The following ADCY10 variants were observed in gnomAD, a reference collection of about 807,000 sequenced individuals.
The protein encoded by ADCY10 is adenylate cyclase 10.
In ADCY10, 156 loss-of-function variants were observed where a neutral mutation model predicts 183.3. That is an observed-to-expected ratio of 0.85 (90% CI 0.75 to 0.97). The LOEUF is 0.97. Among genes scored for constraint, ADCY10 ranks in the 50% least tolerant of loss-of-function variants. ADCY10 has a pLI of 0.00. For missense variants in ADCY10, 1,745 were observed against 1,934.3 expected, an observed-to-expected ratio of 0.90 and a Z score of 1.84; for synonymous variants, 645 against 670.0, an observed-to-expected ratio of 0.96 and a Z score of 0.58.
At chr1:167,846,379 C>T (rs191509150) in intron 19 of ADCY10, 116 bp from the exon 20 acceptor site, 1 of 1,260,330 alleles carries the variant, frequency 7.9e-7, no homozygotes, top group African/African-American at 1.5e-5. Context: ...TTGCAAGAAA[C>T]TCAGCCAAGC....
chr1:167,862,725 T>C (rs771027062), intron 14 of ADCY10, among the ~76,000 whole-genome samples: 1 of 152,226 alleles, frequency 6.6e-6, no homozygotes, highest in Non-Finnish European at 1.5e-5. Flanking sequence ...TCAGCAATGA[T>C]AAAGATATTT....
intron 14 of ADCY10, among the ~76,000 whole-genome samples, chr1:167,863,129 C>A (rs1571335031): frequency 6.6e-6 from 1 of 152,130 alleles, no homozygotes; most frequent in East Asian, 1.9e-4. Context: ...GTTTTATACT[C>A]AGAAAAGGAA....
intron 12 of ADCY10, 31 bp from the exon 13 acceptor site, chr1:167,875,217 G>C (rs1474333986): frequency 2.5e-6 from 4 of 1,606,452 alleles, no homozygotes; most frequent in Non-Finnish European, 3.4e-6. Flanking sequence ...ACAGATGCTA[G>C]ATTCAAAACA....
intron 13 of ADCY10, among the ~76,000 whole-genome samples, chr1:167,871,713 G>A (rs1667118150): frequency 6.6e-6 from 1 of 152,240 alleles, no homozygotes; most frequent in South Asian, 2.1e-4. Context: ...ATTAATTCAA[G>A]TGTAGACATT....
At chr1:167,910,098 A>G (rs1670057041) in intron 1 of ADCY10, among the ~76,000 whole-genome samples, 1 of 152,158 alleles carries the variant, frequency 6.6e-6, no homozygotes, top group African/African-American at 2.4e-5. Context: ...TTGAGATGCA[A>G]GTCTGCCAAT....
chr1:167,901,590 G>T (rs1669424979), intron 5 of ADCY10, 72 bp downstream of exon 5: 3 of 1,452,608 alleles, frequency 2.1e-6, no homozygotes, highest in Non-Finnish European at 2.9e-6. Context: ...TTCTCTTTGG[G>T]AGAGAGAGAT....
chr1:167,895,633 T>G (rs1380497914), intron 7 of ADCY10, among the ~76,000 whole-genome samples: 1 of 152,210 alleles, frequency 6.6e-6, no homozygotes, highest in Non-Finnish European at 1.5e-5. Flanking sequence ...TTGTTTTTTA[T>G]GAATTCAGGA....
chr1:167,823,961 A>G (rs764437581), intron 28 of ADCY10, among the ~76,000 whole-genome samples: 1 of 152,150 alleles, frequency 6.6e-6, no homozygotes, highest in East Asian at 1.9e-4. Flanking sequence ...CTGTCTGACT[A>G]CCCTCTGATC....
At chr1:167,873,034 C>T (rs989752409) in intron 13 of ADCY10, among the ~76,000 whole-genome samples, 4 of 151,792 alleles carry the variant, frequency 2.6e-5, no homozygotes, top group African/African-American at 9.7e-5. Flanking sequence ...CGCGCCACTG[C>T]ACTCCAGCCT....
chr1:167,839,421 A>G (rs1373944980), intron 21 of ADCY10, among the ~76,000 whole-genome samples: 1 of 152,246 alleles, frequency 6.6e-6, no homozygotes, highest in Admixed American at 6.5e-5. Flanking sequence ...GTTTTGGACC[A>G]AGGACCCTGA....
chr1:167,902,010 C>A lies in ADCY10; in HGVS notation c.292+6G>T. ...TTACCCCTTCTATCTTAGTAAGCCC[C>A]CATACCTGCAAATTTCAGGATGTCT... On this transcript the variant is annotated splice_donor_region_variant and intron_variant, in intron 4 of 32. Coordinates refer to ENST00000367851, the MANE Select transcript of ADCY10 (RefSeq NM_018417.6). 6.2e-7 allele frequency: 1 copy of A among 1,613,820 alleles called. No homozygotes were observed.
At chr1:167,886,698 G>A (rs988290017) in intron 8 of ADCY10, among the ~76,000 whole-genome samples, 1 of 152,062 alleles carries the variant, frequency 6.6e-6, no homozygotes, top group African/African-American at 2.4e-5. Context: ...TTGACAAACA[G>A]GATCCAATTA....
intron 21 of ADCY10, among the ~76,000 whole-genome samples, chr1:167,838,975 G>A (rs1163882088): frequency 6.6e-6 from 1 of 152,136 alleles, no homozygotes; most frequent in Non-Finnish European, 1.5e-5. Flanking sequence ...AAGTCCCGTT[G>A]ACCATACCCA....
intron 13 of ADCY10, among the ~76,000 whole-genome samples, chr1:167,874,258 G>A (rs1051345849): frequency 3.9e-5 from 6 of 152,184 alleles, no homozygotes; most frequent in African/African-American, 1.4e-4. Context: ...TTGAACCCAG[G>A]AGGTAGAGGT....
chr1:167,818,571 C>T (rs1334954422), intron 30 of ADCY10, among the ~76,000 whole-genome samples: 3 of 152,116 alleles, frequency 2.0e-5, no homozygotes, highest in Non-Finnish European at 4.4e-5. Context: ...AAGTCTTGCT[C>T]TTGTCCCCCA....
At position 167,845,979 on chromosome 1, in the gene ADCY10, A is replaced by G. The variant is rs765250217; in HGVS notation, c.2716+6T>C. 2.5e-6 allele frequency: 4 copies of G among 1,614,040 alleles called. No individual in the cohort carries two copies. The African/African-American group carries it at 4.0e-5, about 16-fold the overall frequency. On this transcript the variant is annotated splice_donor_region_variant and intron_variant, in intron 20 of 32. Coordinates refer to ENST00000367851, the MANE Select transcript of ADCY10 (RefSeq NM_018417.6). ...AGGAAATTGGGTCACTCCAGGTGCT[A>G]CTCACCCATCCCTTCACTGGGCTTC...
At chr1:167,836,777 G>A (rs1571258917) in intron 22 of ADCY10, among the ~76,000 whole-genome samples, 1 of 152,254 alleles carries the variant, frequency 6.6e-6, no homozygotes, top group South Asian at 2.1e-4. Context: ...TGTAATCCCA[G>A]CACTTTGGGA....
chr1:167,854,814 C>G (rs930662229), intron 17 of ADCY10, among the ~76,000 whole-genome samples: 6 of 151,974 alleles, frequency 3.9e-5, no homozygotes, highest in Admixed American at 3.9e-4. Context: ...TATACATGTT[C>G]TATATAATTT....
rs772532731 is a variant in ADCY10, at chr1:167,899,617, C to T, written c.448G>A (p.Gly150Ser). 6.2e-7 allele frequency: 1 copy of T among 1,613,926 alleles called. No homozygotes were observed. Among genetic ancestry groups the T allele is most frequent in the Non-Finnish European group, 8.5e-7 (1 of 1,180,040 alleles). The change falls in exon 6 of 33, where the codon GGC becomes AGC. Residue 150 changes from glycine (G) to serine (S), a missense_variant. Coordinates refer to ENST00000367851, the MANE Select transcript of ADCY10 (RefSeq NM_018417.6). ...DIRVKIGLAA[G>S]HISMLVFGDE... ...CCAAAGACCAACATGCTGATGTGGC[C>T]AGCAGCCAGTCCTGGCAAGAAGGCA...
Sources: allele counts gnomAD v4.1 joint callset (sites outside exome capture counted in the v4.1 genomes callset), GRCh38; gene constraint gnomAD v4.1.1; transcripts MANE v1.5; gene names NCBI Gene and HGNC (gene_info 2026-07-23, HGNC 2026-07-21).